CRB1: variants seen among roughly 807,000 people sequenced by gnomAD.
The protein encoded by CRB1 is protein crumbs homolog 1.
In CRB1, 83 loss-of-function variants were observed where a neutral mutation model predicts 120.0. That is an observed-to-expected ratio of 0.69 (90% CI 0.58 to 0.83). The LOEUF (loss-of-function observed/expected upper bound fraction) is 0.83. Ranked by LOEUF, CRB1 falls within the 40% of genes least tolerant of loss-of-function variation. CRB1 has a pLI of 0.00. For synonymous variants in CRB1, 625 were observed against 612.5 expected (o/e 1.02, Z -0.30); for missense variants, 1,699 against 1,687.6 (o/e 1.01, Z -0.12).
chr1:197,408,065 A>G (rs1663507972), intron 5 of CRB1, among the ~76,000 whole-genome samples: 2 of 152,160 alleles, frequency 1.3e-5, no homozygotes. Context: ...TAAACATAGA[A>G]AGAGGTATTC....
chr1:197,206,786 T>A, the CRB1 span, among the ~76,000 whole-genome samples: 1 of 152,138 alleles, frequency 6.6e-6, no homozygotes, highest in Non-Finnish European at 1.5e-5. Context: ...CCATTTTTTC[T>A]TTGTTTAATT....
intron 5 of CRB1, among the ~76,000 whole-genome samples, chr1:197,402,868 C>A (rs1420750064): frequency 6.6e-6 from 1 of 152,176 alleles, no homozygotes; most frequent in Non-Finnish European, 1.5e-5. Context: ...TTTCTGCCCC[C>A]AATGTAGATT....
At chr1:197,321,208 C>T (rs1388509464) in intron 1 of CRB1, among the ~76,000 whole-genome samples, 1 of 152,200 alleles carries the variant, frequency 6.6e-6, no homozygotes, top group East Asian at 1.9e-4. Context: ...TTCACCAAGG[C>T]CCTGCTCAGA....
chr1:197,355,916 G>A (rs377723575), intron 4 of CRB1, among the ~76,000 whole-genome samples: 2 of 152,264 alleles, frequency 1.3e-5, no homozygotes, highest in Non-Finnish European at 1.5e-5. Context: ...CGCCCAGAGC[G>A]AGCGAGGGCT....
chr1:197,432,574 A>G (rs778434868), intron 8 of CRB1, among the ~76,000 whole-genome samples: 1 of 152,102 alleles, frequency 6.6e-6, no homozygotes, highest in Non-Finnish European at 1.5e-5. Flanking sequence ...ATGTTTACTG[A>G]GCACCTACTA....
At chr1:197,407,867 T>G (rs1439936089) in intron 5 of CRB1, among the ~76,000 whole-genome samples, 1 of 152,198 alleles carries the variant, frequency 6.6e-6, no homozygotes, top group Non-Finnish European at 1.5e-5. Flanking sequence ...ATACATTAGA[T>G]ATCTGCAAAT....
chr1:197,270,060 G>A (rs755738539), intron 1 of CRB1, among the ~76,000 whole-genome samples: 2 of 152,098 alleles, frequency 1.3e-5, no homozygotes, highest in Non-Finnish European at 2.9e-5. Flanking sequence ...AAAACACGTA[G>A]TTTAGACCTT....
rs1161597157 is a variant in CRB1 at position 197,450,387 on chromosome 1, G to GA, written c.4005+8099dup. Reference sequence around the variant, plus strand: ...AAACATTGATGAATGCCAGGGCCTAGAAAAGGGCATTTTAGCTTATTTTAG... The same window carrying GA: ...AAACATTGATGAATGCCAGGGCCTAGAAAAAGGGCATTTTAGCTTATTTTAG... On this transcript the variant is annotated intron_variant, in intron 11 of 11. Transcript: ENST00000367400. Among the ~76,000 whole-genome samples the GA allele has an allele frequency of 2.0e-5, 3 of 152,170 alleles. No individual in the cohort carries two copies. The East Asian group carries it at 5.8e-4, about 29-fold the overall frequency.
At chr1:197,310,505 T>C (rs1558044834) in intron 1 of CRB1, among the ~76,000 whole-genome samples, 1 of 152,180 alleles carries the variant, frequency 6.6e-6, no homozygotes, top group Non-Finnish European at 1.5e-5. Flanking sequence ...TGTAATTAAT[T>C]AGCTTGTTGA....
the CRB1 span, among the ~76,000 whole-genome samples, chr1:197,236,345 A>G: frequency 1.3e-5 from 2 of 151,988 alleles, no homozygotes; most frequent in Admixed American, 6.6e-5. Flanking sequence ...TACTACAGGC[A>G]TGTGCCACCA....
At chr1:197,212,249 A>AT in the CRB1 span, among the ~76,000 whole-genome samples, 1 of 152,188 alleles carries the variant, frequency 6.6e-6, no homozygotes, top group African/African-American at 2.4e-5. Flanking sequence ...TGCACATACC[A>AT]TACAAACTAA....
At position 197,435,531 on chromosome 1, in the gene CRB1, G is replaced by A; in HGVS notation, c.3668G>A (p.Cys1223Tyr). Residue 1223 changes from cysteine to tyrosine, a missense_variant, in exon 9 of 12, where the codon TGT becomes TAT. By Grantham distance (194) the Cys-to-Tyr change is radical. Transcript: ENST00000367400. Reference protein sequence around the residue: ...VDIDNCQSHQCANGATCISHT... With the variant: ...VDIDNCQSHQYANGATCISHT... ...ATAGACAACTGCCAGAGTCACCAGT[G>A]TGCAAATGGAGCCACCTGCATTAGT... is the stretch of plus-strand genomic sequence containing the variant. 6.2e-7 allele frequency: 1 copy of A among 1,613,190 alleles called. No homozygotes were observed. The highest frequency in any genetic ancestry group is 8.5e-7 in the Non-Finnish European group (1 of 1,179,574).
intron 5 of CRB1, among the ~76,000 whole-genome samples, chr1:197,403,361 C>T (rs1663165699): frequency 6.6e-6 from 1 of 152,138 alleles, no homozygotes; most frequent in African/African-American, 2.4e-5. Flanking sequence ...ATCCTCTTTC[C>T]TCCCACTTCT....
chr1:197,395,975 T>C (rs4604725), intron 5 of CRB1, among the ~76,000 whole-genome samples: 59,116 of 152,020 alleles, frequency 0.39, 14,117 homozygotes, highest in East Asian at 0.66. Context: ...TTCTACATTG[T>C]ATTGGTGATC....
chr1:197,222,313 G>A, the CRB1 span: 3 of 698,606 alleles, frequency 4.3e-6, no homozygotes, highest in African/African-American at 1.8e-5. Context: ...AATGGAAATT[G>A]GCCTATACCG....
At chr1:197,324,120 T>G (rs751094191) in intron 1 of CRB1, among the ~76,000 whole-genome samples, 1 of 152,190 alleles carries the variant, frequency 6.6e-6, no homozygotes, top group Non-Finnish European at 1.5e-5. Context: ...CCAATCTTCT[T>G]ACCTGGAGTA....
chr1:197,367,112 A>G (rs1661118293), intron 5 of CRB1, among the ~76,000 whole-genome samples: 1 of 152,198 alleles, frequency 6.6e-6, no homozygotes. Context: ...CTGTAGTTGA[A>G]TAATACTATT....
chr1:197,458,804 T>C (rs1238721293), intron 11 of CRB1, among the ~76,000 whole-genome samples: 2 of 152,144 alleles, frequency 1.3e-5, no homozygotes, highest in African/African-American at 4.8e-5. Context: ...TCAAGGAAAC[T>C]ATAATCTAGC....
intron 5 of CRB1, among the ~76,000 whole-genome samples, chr1:197,408,041 C>G (rs2476021): frequency 0.84 from 127,828 of 152,134 alleles, 54,087 homozygotes; most frequent in African/African-American, 0.94. Flanking sequence ...TATATAATAC[C>G]GTACACTAGG....
Sources: gnomAD v4.1 joint callset for allele counts (sites outside exome capture counted in the v4.1 genomes callset) on GRCh38, gnomAD v4.1.1 for gene constraint, MANE v1.5 for transcripts, NCBI Gene and HGNC (gene_info 2026-07-23, HGNC 2026-07-21) for gene names.